The following HORMAD2 variants were observed in gnomAD, a reference collection of about 807,000 sequenced individuals.
HORMAD2 encodes the protein HORMA domain containing 2, also known as HORMA domain-containing protein 2.
In HORMAD2, 45 loss-of-function variants were observed where a neutral mutation model predicts 38.8. The ratio of observed to expected loss-of-function variants is 1.16; its 90% CI spans 0.91 to 1.49. The LOEUF is 1.49. HORMAD2 is among the 40% of genes most tolerant of loss of function. The pLI is 0.00. For synonymous variants in HORMAD2, 126 were observed against 122.8 expected, an observed-to-expected ratio of 1.03 and a Z score of -0.17; for missense variants, 338 against 367.0, an observed-to-expected ratio of 0.92 and a Z score of 0.65.
the HORMAD2 span, among the ~76,000 whole-genome samples, chr22:30,187,753 T>G: frequency 2.0e-5 from 3 of 151,970 alleles, no homozygotes; most frequent in African/African-American, 7.3e-5. Context: ...GCCCTGAAAA[T>G]GGGCCAAATA....
intron 10 of HORMAD2, among the ~76,000 whole-genome samples, chr22:30,136,340 T>C (rs577121583): frequency 2.0e-5 from 3 of 152,174 alleles, no homozygotes; most frequent in African/African-American, 7.2e-5. Context: ...TCATTTAAAA[T>C]GTACAACTTA....
At chr22:30,170,588 A>G (rs987444731) in intron 10 of HORMAD2, among the ~76,000 whole-genome samples, 9 of 152,156 alleles carry the variant, frequency 5.9e-5, no homozygotes, top group Admixed American at 4.6e-4. Context: ...GACATTTCCT[A>G]CCATCTCATA....
chr22:30,116,027 C>G (rs1922019000), intron 7 of HORMAD2, among the ~76,000 whole-genome samples: 1 of 152,184 alleles, frequency 6.6e-6, no homozygotes, highest in African/African-American at 2.4e-5. Flanking sequence ...AGACTAATGT[C>G]TACTTCAGAG....
rs760189727 is a variant in HORMAD2 at position 30,094,006 on chromosome 22, ATTTG to A, written c.51+6_51+9del. The A allele has an allele frequency of 5.0e-6, 8 of 1,594,136 alleles. No homozygotes were observed. Among genetic ancestry groups the A allele is most frequent in the Non-Finnish European group, 6.0e-6 (7 of 1,166,050 alleles). ...TCACAATACACAAGGCTTCTAAGGT[ATTTG>A]TTAAGAATTAAAAGAAAATCAATGA... On this transcript the variant is annotated splice_donor_5th_base_variant and intron_variant, in intron 2 of 10. Transcript: ENST00000336726.
At chr22:30,103,953 C>T (rs114482476) in intron 4 of HORMAD2, among the ~76,000 whole-genome samples, 2,986 of 152,084 alleles carry the variant, frequency 0.02, 96 homozygotes, top group African/African-American at 0.068. Flanking sequence ...AGCCACTGCC[C>T]TGACCTACTT....
At chr22:30,143,201 A>C (rs1924195667) in intron 10 of HORMAD2, among the ~76,000 whole-genome samples, 1 of 152,204 alleles carries the variant, frequency 6.6e-6, no homozygotes, top group South Asian at 2.1e-4. Context: ...ATTTAAGAGA[A>C]GAAAGGAGAA....
chr22:30,176,060 C>A lies in HORMAD2; in HGVS notation c.820-3C>A. ...TTGTGCCTCTCTCTGGTGATTCTCA[C>A]AGATTCAAAGAATGAATTTTGTGTG... On this transcript the variant is annotated splice_region_variant and splice_polypyrimidine_tract_variant and intron_variant, in intron 10 of 10. Transcript: ENST00000336726. 6.2e-7 allele frequency: 1 copy of A among 1,600,946 alleles called. No individual in the cohort carries two copies. Among genetic ancestry groups the A allele is most frequent in the Non-Finnish European group, 8.6e-7 (1 of 1,168,444 alleles).
chr22:30,178,629 A>T (rs1926579045), downstream of HORMAD2, among the ~76,000 whole-genome samples: 1 of 152,218 alleles, frequency 6.6e-6, no homozygotes, highest in Admixed American at 6.5e-5. Context: ...GGATGAATAA[A>T]CACAAGTGCA....
intron 10 of HORMAD2, among the ~76,000 whole-genome samples, chr22:30,151,340 A>G (rs1924735744): frequency 6.6e-6 from 1 of 152,180 alleles, no homozygotes; most frequent in African/African-American, 2.4e-5. Flanking sequence ...ATCTTTATCC[A>G]GAAGTCGGTA....
At chr22:30,122,347 G>A (rs1922521168) in intron 10 of HORMAD2, 133 bp downstream of exon 10, 1 of 746,482 alleles carries the variant, frequency 1.3e-6, no homozygotes, top group Non-Finnish European at 2.0e-6. Flanking sequence ...TGACATCAAG[G>A]AGTTTTTAAT....
At chr22:30,150,316 T>C (rs542471677) in intron 10 of HORMAD2, among the ~76,000 whole-genome samples, 33 of 152,336 alleles carry the variant, frequency 2.2e-4, no homozygotes, top group Admixed American at 6.5e-4. Context: ...TGTGCTATTG[T>C]GTTTTCATTT....
intron 7 of HORMAD2, among the ~76,000 whole-genome samples, chr22:30,116,387 T>C (rs1392005148): frequency 6.6e-6 from 1 of 152,206 alleles, no homozygotes; most frequent in African/African-American, 2.4e-5. Context: ...AAAACTACTT[T>C]TGGCTGCAGA....
intron 1 of HORMAD2, among the ~76,000 whole-genome samples, chr22:30,081,806 C>G (rs1182696475): frequency 6.6e-6 from 1 of 151,996 alleles, no homozygotes; most frequent in Non-Finnish European, 1.5e-5. Context: ...AGGATAGTCT[C>G]GATCTCTTGA....
At chr22:30,092,724 G>T (rs1004025250) in intron 1 of HORMAD2, among the ~76,000 whole-genome samples, 11 of 152,080 alleles carry the variant, frequency 7.2e-5, no homozygotes, top group African/African-American at 2.7e-4. Context: ...AGTTTCTCCA[G>T]AACCATTTTT....
Position 30,167,231 on chromosome 22 carries a change from T to C in HORMAD2, c.820-8832T>C, listed in dbSNP as rs118191784. ...TCCCATTGCCTCTGTCTTACAAGGA[T>C]ACATCTGATTACATTTAGGGTCCAC... is the stretch of plus-strand genomic sequence containing the variant. On this transcript the variant is annotated intron_variant, in intron 10 of 10. Coordinates refer to ENST00000336726, the MANE Select transcript of HORMAD2 (RefSeq NM_152510.4). Among the ~76,000 whole-genome samples the C allele has an allele frequency of 5.7e-3, 862 of 152,322 alleles. 27 individuals are homozygous for C. Among genetic ancestry groups the C allele is most frequent in the South Asian group, 0.047 (227 of 4,828 alleles).
At position 30,104,454 on chromosome 22, in the gene HORMAD2, A is replaced by G. The variant is rs756283258; in HGVS notation, c.294+17A>G. Reference sequence around the variant, plus strand: ...AAGAGATACGTAAGAATGTTTTTACACTTACACTGGAATCAAAGGCTTGTC... The same window carrying G: ...AAGAGATACGTAAGAATGTTTTTACGCTTACACTGGAATCAAAGGCTTGTC... On this transcript the variant is annotated intron_variant, in intron 5 of 10. Transcript: ENST00000336726. 1.3e-6 allele frequency: 2 copies of G among 1,583,372 alleles called. No homozygotes were observed. The highest frequency in any genetic ancestry group is 1.7e-6 in the Non-Finnish European group (2 of 1,157,018).
At position 30,176,098 on chromosome 22, in the gene HORMAD2, T is replaced by C; in HGVS notation, c.855T>C (p.Ser285=). 1 of 1,613,410 alleles carries C rather than the reference T, an allele frequency of 6.2e-7. No individual in the cohort carries two copies. The highest frequency in any genetic ancestry group is 8.5e-7 in the Non-Finnish European group (1 of 1,179,494). ...TGAATTTTGTGTGCAGTCAGCAAAGTTCTGAGTGCTCCAGGAAGAAGAGGA... is the reference window on the plus strand; with the variant it reads ...TGAATTTTGTGTGCAGTCAGCAAAGCTCTGAGTGCTCCAGGAAGAAGAGGA... The part of the protein sequence containing the change: ...QRMNFVCSQQ[S]SECSRKKRKV... The change falls in exon 11 of 11, where the codon AGT becomes AGC. Residue 285 remains serine (S), a synonymous_variant. Transcript: ENST00000336726.
At chr22:30,155,975 C>T (rs1569114051) in intron 10 of HORMAD2, among the ~76,000 whole-genome samples, 1 of 152,196 alleles carries the variant, frequency 6.6e-6, no homozygotes, top group Non-Finnish European at 1.5e-5. Context: ...AGCTTTGACA[C>T]TCTGCCTTGG....
chr22:30,107,068 C>G (rs540111790), intron 5 of HORMAD2, among the ~76,000 whole-genome samples: 14 of 152,202 alleles, frequency 9.2e-5, no homozygotes, highest in Non-Finnish European at 1.6e-4. Flanking sequence ...GTTAAACATT[C>G]ATTCTTTATA....
Sources: gnomAD v4.1 joint callset for allele counts (sites outside exome capture counted in the v4.1 genomes callset) on GRCh38, gnomAD v4.1.1 for gene constraint, MANE v1.5 for transcripts, NCBI Gene and HGNC (gene_info 2026-07-23, HGNC 2026-07-21) for gene names.